Variants in ASTN2 observed in about 807,000 individuals in gnomAD.
ASTN2 encodes the protein astrotactin 2.
Under a neutral mutation model 139.8 loss-of-function variants are expected in ASTN2, and 54 were observed. The ratio of observed to expected loss-of-function variants is 0.39; its 90% CI spans 0.31 to 0.48. ASTN2 has a LOEUF of 0.48. Ranked by LOEUF, ASTN2 falls within the 20% of genes least tolerant of loss-of-function variation. The pLI is 0.95. For synonymous variants in ASTN2, 756 were observed against 719.5 expected (o/e 1.05, Z -0.81); for missense variants, 1,565 against 1,725.1 (o/e 0.91, Z 1.64).
At chr9:116,908,634 G>A (rs1204045267) in intron 10 of ASTN2, among the ~76,000 whole-genome samples, 1 of 152,182 alleles carries the variant, frequency 6.6e-6, no homozygotes, top group African/African-American at 2.4e-5. Context: ...AAATCAACTG[G>A]CATCAAACTA....
intron 1 of ASTN2, among the ~76,000 whole-genome samples, chr9:117,333,900 G>A (rs972652828): frequency 2.6e-5 from 4 of 152,200 alleles, no homozygotes; most frequent in African/African-American, 9.7e-5. Flanking sequence ...GCCAGGGCCT[G>A]TGTTTCACTG....
At chr9:117,116,681 C>G (rs908970185) in intron 4 of ASTN2, among the ~76,000 whole-genome samples, 2 of 150,654 alleles carry the variant, frequency 1.3e-5, no homozygotes, top group African/African-American at 4.9e-5. Flanking sequence ...CAAAACTGCT[C>G]TTTCCAAGCT....
In ASTN2 at chr9:116,425,486, G is replaced by C; in HGVS notation, c.*365C>G. On this transcript the variant is annotated 3_prime_UTR_variant, in exon 23 of 23. Coordinates refer to ENST00000313400, the MANE Select transcript of ASTN2 (RefSeq NM_001365068.1). ...GGTCTCCTCCAGGGGTCCATGGCAG[G>C]AAGAAAGCAGAGTGTGGCAGGAAGA... The C allele has an allele frequency of 7.1e-7, 1 of 1,408,802 alleles. No individual in the cohort carries two copies. Among genetic ancestry groups the C allele is most frequent in the South Asian group, 1.2e-5 (1 of 82,942 alleles). 87.3% of individuals were successfully genotyped at this position (1,408,802 alleles called of 1,614,324 possible). A position where few individuals can be genotyped will look rare whatever the true frequency, so the allele number is the denominator to read the frequency against.
intron 6 of ASTN2, among the ~76,000 whole-genome samples, chr9:117,038,096 T>C (rs13286901): frequency 0.15 from 22,369 of 152,166 alleles, 1,975 homozygotes; most frequent in African/African-American, 0.25. Context: ...GCTTCTGCAC[T>C]ACGGTGAAGT....
intron 1 of ASTN2, among the ~76,000 whole-genome samples, chr9:117,312,660 G>T (rs1828013427): frequency 6.6e-6 from 1 of 152,116 alleles, no homozygotes; most frequent in South Asian, 2.1e-4. Flanking sequence ...GGATTCTCTG[G>T]TCTAGTCTTG....
intron 7 of ASTN2, among the ~76,000 whole-genome samples, chr9:116,984,712 G>T (rs1471672998): frequency 2.6e-5 from 4 of 152,202 alleles, no homozygotes; most frequent in Non-Finnish European, 5.9e-5. Flanking sequence ...GGGCACTGTT[G>T]AGTATAAGTA....
chr9:116,510,811 A>G (rs919771950), intron 19 of ASTN2, among the ~76,000 whole-genome samples: 1 of 151,978 alleles, frequency 6.6e-6, no homozygotes, highest in African/African-American at 2.4e-5. Context: ...TTTGTCTGTT[A>G]TTGGTGTATA....
intron 16 of ASTN2, among the ~76,000 whole-genome samples, chr9:116,691,103 A>G (rs1860544352): frequency 6.6e-6 from 1 of 152,128 alleles, no homozygotes; most frequent in South Asian, 2.1e-4. Flanking sequence ...AATTTATTGT[A>G]GAGATGGTGT....
chr9:116,434,534 G>A (rs1425100877), intron 22 of ASTN2, among the ~76,000 whole-genome samples: 1 of 152,242 alleles, frequency 6.6e-6, no homozygotes, highest in Non-Finnish European at 1.5e-5. Context: ...CTGCCATGGA[G>A]GCAAGAGGAG....
intron 19 of ASTN2, among the ~76,000 whole-genome samples, chr9:116,519,458 G>A (rs1850780352): frequency 2.0e-5 from 3 of 151,894 alleles, no homozygotes; most frequent in African/African-American, 7.2e-5. Flanking sequence ...TCTTTGAACT[G>A]AATGATAATA....
At position 116,936,233 on chromosome 9, in the gene ASTN2, TCAC is replaced by T. The variant is rs1489222846; in HGVS notation, c.1889+38972_1889+38974del. Among the ~76,000 whole-genome samples the T allele has an allele frequency of 9.6e-4, 74 of 76,900 alleles. 1 individual carries two copies. The South Asian group carries it at 0.011, about 11-fold the overall frequency. 50.4% of individuals were successfully genotyped at this position (76,900 alleles called of 152,430 possible). Reference sequence around the variant, plus strand: ...ATCACCACCACCACCACTACCACCATCACCACCACCACCACCATCACCACCACC... The same window carrying T: ...ATCACCACCACCACCACTACCACCATCACCACCACCACCATCACCACCACC... On this transcript the variant is annotated intron_variant, in intron 10 of 22. Coordinates refer to ENST00000313400, the MANE Select transcript of ASTN2 (RefSeq NM_001365068.1).
At chr9:116,437,558 T>C (rs1255872984) in intron 22 of ASTN2, 2 of 471,062 alleles carry the variant, frequency 4.2e-6, no homozygotes, top group Non-Finnish European at 8.8e-6. Context: ...CCAGAAGATT[T>C]ATGTCCTGGA....
At chr9:116,766,240 C>A (rs117403582) in intron 13 of ASTN2, among the ~76,000 whole-genome samples, 134 of 152,164 alleles carry the variant, frequency 8.8e-4, no homozygotes, top group African/African-American at 3.2e-3. Context: ...TGGGTATACA[C>A]GCACAAATAC....
At chr9:117,032,258 A>G (rs969741109) in intron 6 of ASTN2, among the ~76,000 whole-genome samples, 3 of 152,136 alleles carry the variant, frequency 2.0e-5, no homozygotes, top group African/African-American at 7.2e-5. Flanking sequence ...ATGGAAATAT[A>G]TGATGGAGAG....
intron 4 of ASTN2, among the ~76,000 whole-genome samples, chr9:117,137,166 A>G (rs372470935): frequency 1.3e-5 from 2 of 152,110 alleles, no homozygotes; most frequent in African/African-American, 2.4e-5. Context: ...TCAAACCTCC[A>G]CTATCCTTCC....
chr9:117,062,537 G>A (rs1244233550), intron 5 of ASTN2, among the ~76,000 whole-genome samples: 1 of 152,126 alleles, frequency 6.6e-6, no homozygotes, highest in East Asian at 1.9e-4. Context: ...TCCTGGAAAT[G>A]TTAACTATTA....
intron 13 of ASTN2, among the ~76,000 whole-genome samples, chr9:116,780,952 G>T (rs959917923): frequency 7.9e-5 from 12 of 151,388 alleles, no homozygotes; most frequent in Non-Finnish European, 1.5e-4. Flanking sequence ...TGATTCTCCT[G>T]CCTCAGCCTC....
intron 16 of ASTN2, among the ~76,000 whole-genome samples, chr9:116,680,392 A>T (rs7875695): frequency 1.3e-5 from 2 of 152,168 alleles, no homozygotes; most frequent in African/African-American, 4.8e-5. Flanking sequence ...ATAGCTTACC[A>T]ACCAAAAAGA....
intron 19 of ASTN2, among the ~76,000 whole-genome samples, chr9:116,565,401 A>G (rs1226238372): frequency 1.4e-5 from 1 of 71,314 alleles, no homozygotes; most frequent in Non-Finnish European, 2.7e-5. Flanking sequence ...ATATATATAT[A>G]TATATATATA....
Sources: allele counts gnomAD v4.1 joint callset (sites outside exome capture counted in the v4.1 genomes callset), GRCh38; gene constraint gnomAD v4.1.1; transcripts MANE v1.5; gene names NCBI Gene and HGNC (gene_info 2026-07-23, HGNC 2026-07-21).